Variants in SEMA3C observed in about 807,000 individuals in gnomAD.
The protein encoded by SEMA3C is semaphorin-3C.
A neutral mutation model predicts 89.4 loss-of-function variants in SEMA3C; 47 were observed. The observed-to-expected ratio is 0.53, with a 90% CI of 0.42 to 0.67. The LOEUF is 0.67. SEMA3C is among the 30% of genes least tolerant of loss of function. SEMA3C has a pLI of 0.00. For missense variants in SEMA3C, 839 were observed against 929.1 expected (o/e 0.90, Z 1.26); for synonymous variants, 310 against 320.2 (o/e 0.97, Z 0.34).
intron 11 of SEMA3C, among the ~76,000 whole-genome samples, chr7:80,795,971 C>CACAGACTGCA (rs1789054606): frequency 6.6e-6 from 1 of 152,184 alleles, no homozygotes; most frequent in Non-Finnish European, 1.5e-5. Flanking sequence ...GCATGAGGCT[C>CACAGACTGCA]TGAGGCCTCA....
rs1787809710 is a variant in SEMA3C at position 80,746,723 on chromosome 7, G to GTGTGTGTGTT, written c.1843-1417_1843-1416insAACACACACA. 4.0e-5 allele frequency among the ~76,000 whole-genome samples: 6 copies of GTGTGTGTGTT among 150,700 alleles called. No individual in the cohort carries two copies. The South Asian group carries it at 1.3e-3, about 32-fold the overall frequency. ...ATGTACTGATATTGAAGTGGGGTGT[G>GTGTGTGTGTT]TGTGTGTGTGTGTGTGTGTGTGTGG... On this transcript the variant is annotated intron_variant, in intron 17 of 17. Coordinates refer to ENST00000265361, the MANE Select transcript of SEMA3C (RefSeq NM_006379.5).
At chr7:80,863,082 T>C (rs185350400) in intron 2 of SEMA3C, among the ~76,000 whole-genome samples, 11 of 151,978 alleles carry the variant, frequency 7.2e-5, no homozygotes, top group Admixed American at 5.9e-4. Context: ...TAAAGATAAA[T>C]AGTTGGGACT....
intron 2 of SEMA3C, among the ~76,000 whole-genome samples, chr7:80,880,925 A>AAAAAAC (rs1264713190): frequency 5.9e-5 from 9 of 152,304 alleles, no homozygotes; most frequent in African/African-American, 1.9e-4. Flanking sequence ...ACTCTGTCTC[A>AAAAAAC]AAAAACAAAA....
At chr7:80,772,094 G>A (rs1237393095) in intron 12 of SEMA3C, among the ~76,000 whole-genome samples, 1 of 152,140 alleles carries the variant, frequency 6.6e-6, no homozygotes. Flanking sequence ...AGAAAGAACT[G>A]CAAAATATTT....
chr7:80,789,203 A>G (rs2115581281), intron 12 of SEMA3C, 103 bp downstream of exon 12: 4 of 871,730 alleles, frequency 4.6e-6, no homozygotes, highest in Non-Finnish European at 7.2e-6. Context: ...AGACGTAATT[A>G]TTGGAGTTTT....
intron 11 of SEMA3C, among the ~76,000 whole-genome samples, chr7:80,792,372 TTTATA>T (rs1788964899): frequency 6.6e-6 from 1 of 152,234 alleles, no homozygotes; most frequent in South Asian, 2.1e-4. Flanking sequence ...GTTCCAGAAC[TTTATA>T]AAACACCGCT....
chr7:80,799,062 G>A (rs752535741), intron 10 of SEMA3C, among the ~76,000 whole-genome samples: 4 of 152,014 alleles, frequency 2.6e-5, no homozygotes, highest in Admixed American at 6.5e-5. Context: ...AAGAAAAATC[G>A]TTTTATTGAA....
intron 2 of SEMA3C, among the ~76,000 whole-genome samples, chr7:80,877,157 T>C (rs896573437): frequency 1.3e-5 from 2 of 152,316 alleles, no homozygotes; most frequent in South Asian, 4.1e-4. Context: ...TTAAGAGTTA[T>C]CTTGGGAAAA....
intron 2 of SEMA3C, among the ~76,000 whole-genome samples, chr7:80,877,591 A>G (rs1791230419): frequency 6.6e-6 from 1 of 152,198 alleles, no homozygotes; most frequent in South Asian, 2.1e-4. Context: ...TTCAAACAGT[A>G]TTTTATCTAC....
chr7:80,858,436 C>T (rs183797856), intron 2 of SEMA3C, among the ~76,000 whole-genome samples: 94 of 152,052 alleles, frequency 6.2e-4, no homozygotes, highest in African/African-American at 2.1e-3. Context: ...AGATATATTC[C>T]AAACTGAAAA....
chr7:80,826,426 C>T (rs1161072135), intron 4 of SEMA3C, among the ~76,000 whole-genome samples: 1 of 152,106 alleles, frequency 6.6e-6, no homozygotes, highest in Non-Finnish European at 1.5e-5. Context: ...TACCATATTT[C>T]CAGCTTATTT....
chr7:80,778,904 T>G (rs2117088405), intron 12 of SEMA3C, among the ~76,000 whole-genome samples: 1 of 152,320 alleles, frequency 6.6e-6, no homozygotes, highest in Non-Finnish European at 1.5e-5. Context: ...CTCCATTTTC[T>G]TGGTAAATAT....
At chr7:80,862,047 C>T (rs997396157) in intron 2 of SEMA3C, among the ~76,000 whole-genome samples, 2 of 152,148 alleles carry the variant, frequency 1.3e-5, no homozygotes, top group African/African-American at 4.8e-5. Context: ...CAAGAATGCA[C>T]ACTCTTACCA....
intron 2 of SEMA3C, among the ~76,000 whole-genome samples, chr7:80,892,238 C>A (rs549219562): frequency 2.8e-4 from 43 of 152,192 alleles, no homozygotes; most frequent in African/African-American, 8.9e-4. Flanking sequence ...ATTTATCCTG[C>A]AGTTCTCTAT....
At chr7:80,784,115 AG>A (rs1788749057) in intron 12 of SEMA3C, among the ~76,000 whole-genome samples, 2 of 152,158 alleles carry the variant, frequency 1.3e-5, no homozygotes, top group South Asian at 4.1e-4. Context: ...TCATAACTCC[AG>A]AAGCAAAAGG....
chr7:80,801,346 G>T (rs1789203030), intron 9 of SEMA3C, among the ~76,000 whole-genome samples: 1 of 152,040 alleles, frequency 6.6e-6, no homozygotes, highest in African/African-American at 2.4e-5. Flanking sequence ...CCATCAAATA[G>T]AACTTTTTGT....
intron 12 of SEMA3C, among the ~76,000 whole-genome samples, chr7:80,770,859 T>C (rs1788416579): frequency 6.6e-6 from 1 of 152,214 alleles, no homozygotes; most frequent in South Asian, 2.1e-4. Context: ...GCATTCAAGC[T>C]TGTAAATCTG....
At chr7:80,896,860 C>T (rs539683968) in intron 2 of SEMA3C, among the ~76,000 whole-genome samples, 2 of 152,298 alleles carry the variant, frequency 1.3e-5, no homozygotes, top group Non-Finnish European at 2.9e-5. Context: ...AAGTCTTCTG[C>T]CCTTACCCAG....
At chr7:80,841,510 G>T (rs1790267675) in intron 2 of SEMA3C, among the ~76,000 whole-genome samples, 1 of 152,026 alleles carries the variant, frequency 6.6e-6, no homozygotes, top group Admixed American at 6.6e-5. Context: ...GAGTCTAGCT[G>T]CACTGCACCT....
Sources: gnomAD v4.1 joint callset for allele counts (sites outside exome capture counted in the v4.1 genomes callset) on GRCh38, gnomAD v4.1.1 for gene constraint, MANE v1.5 for transcripts, NCBI Gene and HGNC (gene_info 2026-07-23, HGNC 2026-07-21) for gene names.